Variants in RGS7BP observed in about 807,000 individuals in gnomAD.
RGS7BP encodes regulator of G protein signaling 7-binding protein.
Under a neutral mutation model 31.3 loss-of-function variants are expected in RGS7BP, and 9 were observed. That is an observed-to-expected ratio of 0.29 (90% CI 0.17 to 0.50). The LOEUF is 0.50. Ranked by LOEUF, RGS7BP falls within the 20% of genes least tolerant of loss-of-function variation. RGS7BP has a pLI of 0.98. For missense variants in RGS7BP, 274 were observed against 322.0 expected (o/e 0.85, Z 1.14); for synonymous variants, 115 against 120.1 (o/e 0.96, Z 0.28).
chr5:64,591,528 C>T (rs754914156), intron 3 of RGS7BP, among the ~76,000 whole-genome samples: 9 of 151,890 alleles, frequency 5.9e-5, no homozygotes, highest in African/African-American at 1.5e-4. Context: ...CACTGGTGGA[C>T]GTAAAGTGTA....
intron 2 of RGS7BP, among the ~76,000 whole-genome samples, chr5:64,520,878 G>C (rs565642343): frequency 6.6e-6 from 1 of 152,240 alleles, no homozygotes; most frequent in African/African-American, 2.4e-5. Flanking sequence ...TCCTAAGGAA[G>C]TAACATTGAG....
chr5:64,560,519 AT>A (rs1742027878), intron 2 of RGS7BP, among the ~76,000 whole-genome samples: 1 of 146,894 alleles, frequency 6.8e-6, no homozygotes, highest in South Asian at 2.2e-4. Flanking sequence ...GTATTTAAAA[AT>A]ATGTCTAATA....
intron 2 of RGS7BP, among the ~76,000 whole-genome samples, chr5:64,529,919 G>T (rs1460225965): frequency 1.3e-5 from 2 of 152,188 alleles, no homozygotes; most frequent in African/African-American, 4.8e-5. Context: ...ACCTCCACGG[G>T]CTGGACTTTT....
intron 2 of RGS7BP, among the ~76,000 whole-genome samples, chr5:64,540,354 T>C (rs748358711): frequency 2.0e-5 from 3 of 152,180 alleles, no homozygotes; most frequent in Non-Finnish European, 4.4e-5. Flanking sequence ...GTATAATAAG[T>C]AATTTGCCAT....
At chr5:64,571,145 CT>C (rs1193773025) in intron 2 of RGS7BP, among the ~76,000 whole-genome samples, 9 of 152,068 alleles carry the variant, frequency 5.9e-5, no homozygotes, top group African/African-American at 2.2e-4. Flanking sequence ...TTTACCTGTT[CT>C]AGAGCCTCAT....
At chr5:64,594,649 T>C (rs1030709193) in intron 3 of RGS7BP, 61 bp from the exon 4 acceptor site, 6 of 1,562,998 alleles carry the variant, frequency 3.8e-6, no homozygotes, top group African/African-American at 1.4e-5. Context: ...ATCCTGCATA[T>C]AGAACCTGCC....
intron 4 of RGS7BP, among the ~76,000 whole-genome samples, chr5:64,595,165 G>A (rs568478626): frequency 1.8e-4 from 28 of 152,312 alleles, no homozygotes; most frequent in Non-Finnish European, 2.8e-4. Context: ...TGAGAACAGT[G>A]TGCTGCCTTG....
At chr5:64,553,596 G>A (rs1480927602) in intron 2 of RGS7BP, among the ~76,000 whole-genome samples, 1 of 151,778 alleles carries the variant, frequency 6.6e-6, no homozygotes, top group East Asian at 1.9e-4. Flanking sequence ...TAGTGTAGTA[G>A]AAAGAGCCTA....
At chr5:64,542,903 G>A (rs369703225) in intron 2 of RGS7BP, among the ~76,000 whole-genome samples, 3 of 152,176 alleles carry the variant, frequency 2.0e-5, no homozygotes, top group African/African-American at 4.8e-5. Flanking sequence ...ACGACTCTGT[G>A]AAGTCAATGT....
At chr5:64,540,416 A>G (rs1434667149) in intron 2 of RGS7BP, among the ~76,000 whole-genome samples, 1 of 152,144 alleles carries the variant, frequency 6.6e-6, no homozygotes, top group African/African-American at 2.4e-5. Context: ...TGAACTTCCC[A>G]TATCTTTAAA....
At chr5:64,523,909 C>T (rs914192742) in intron 2 of RGS7BP, among the ~76,000 whole-genome samples, 5 of 152,158 alleles carry the variant, frequency 3.3e-5, no homozygotes, top group African/African-American at 1.2e-4. Context: ...TTGCATCAAA[C>T]AGGAACCATC....
At chr5:64,605,882 G>GTATATATATGCTATATATATCTGGATACA (rs1743337807) in intron 5 of RGS7BP, among the ~76,000 whole-genome samples, 4 of 103,388 alleles carry the variant, frequency 3.9e-5, no homozygotes, top group South Asian at 7.2e-4. Context: ...TACATAATGT[G>GTATATATATGCTATATATATCTGGATACA]TATATATATG....
intron 1 of RGS7BP, among the ~76,000 whole-genome samples, chr5:64,507,114 AG>A (rs1375752798): frequency 3.3e-5 from 5 of 152,260 alleles, no homozygotes; most frequent in African/African-American, 1.2e-4. Context: ...AGGGATGAGG[AG>A]GTGGGGATGC....
intron 2 of RGS7BP, among the ~76,000 whole-genome samples, chr5:64,546,594 A>C (rs1377204925): frequency 6.6e-6 from 1 of 152,202 alleles, no homozygotes; most frequent in Non-Finnish European, 1.5e-5. Context: ...GAATCAAAGA[A>C]GGTGAACTCA....
intron 3 of RGS7BP, among the ~76,000 whole-genome samples, chr5:64,586,703 C>T (rs974718037): frequency 1.3e-5 from 2 of 152,198 alleles, no homozygotes; most frequent in South Asian, 4.1e-4. Flanking sequence ...TAGCACCTAG[C>T]AGAGTGCCTC....
At chr5:64,568,929 G>A (rs527761348) in intron 2 of RGS7BP, among the ~76,000 whole-genome samples, 1 of 117,346 alleles carries the variant, frequency 8.5e-6, no homozygotes, top group Admixed American at 8.6e-5. Flanking sequence ...GGTGCTGGTC[G>A]AAGGCAAGCA....
At chr5:64,546,059 C>G (rs935729263) in intron 2 of RGS7BP, among the ~76,000 whole-genome samples, 9 of 152,106 alleles carry the variant, frequency 5.9e-5, no homozygotes, top group Admixed American at 5.9e-4. Flanking sequence ...GAGGCTGAGA[C>G]AGGAGAATTG....
chr5:64,510,340 A>G (rs1748801400), intron 2 of RGS7BP, among the ~76,000 whole-genome samples: 1 of 152,206 alleles, frequency 6.6e-6, no homozygotes, highest in African/African-American at 2.4e-5. Context: ...TTTTTCCTCT[A>G]TATAATGCTG....
intron 2 of RGS7BP, among the ~76,000 whole-genome samples, chr5:64,511,962 G>A (rs764971496): frequency 2.0e-5 from 3 of 152,166 alleles, no homozygotes; most frequent in Non-Finnish European, 4.4e-5. Flanking sequence ...CTCTAAGACT[G>A]GGACTTGGAT....
Sources: gnomAD v4.1 joint callset for allele counts (sites outside exome capture counted in the v4.1 genomes callset) on GRCh38, gnomAD v4.1.1 for gene constraint, MANE v1.5 for transcripts, NCBI Gene and HGNC (gene_info 2026-07-23, HGNC 2026-07-21) for gene names.